TSHR: variants seen among roughly 807,000 people sequenced by gnomAD.
The protein encoded by TSHR is thyrotropin receptor.
A neutral mutation model predicts 64.1 loss-of-function variants in TSHR; 51 were observed. The observed-to-expected ratio is 0.80, with a 90% CI of 0.64 to 1.01. The LOEUF (loss-of-function observed/expected upper bound fraction) is 1.01. Among genes scored for constraint, TSHR ranks in the 50% least tolerant of loss-of-function variants. TSHR has a pLI of 0.00. For missense variants in TSHR, 877 were observed against 942.8 expected (o/e 0.93, Z 0.91); for synonymous variants, 361 against 361.9 (o/e 1.00, Z 0.03).
intron 9 of TSHR, among the ~76,000 whole-genome samples, chr14:81,142,293 C>T (rs1478649577): frequency 6.6e-6 from 1 of 152,156 alleles, no homozygotes; most frequent in African/African-American, 2.4e-5. Context: ...GTTGGCCAGG[C>T]TGGTTCAAGC....
intron 1 of TSHR, among the ~76,000 whole-genome samples, chr14:80,978,843 T>C (rs1355298815): frequency 6.6e-6 from 1 of 152,202 alleles, no homozygotes; most frequent in Non-Finnish European, 1.5e-5. Flanking sequence ...CTACCTATCA[T>C]TTAAATGATG....
At chr14:81,114,226 G>T (rs550681525) in intron 8 of TSHR, among the ~76,000 whole-genome samples, 1 of 152,116 alleles carries the variant, frequency 6.6e-6, no homozygotes, top group East Asian at 1.9e-4. Context: ...CAGCGTCAGC[G>T]ACGCAGAAGA....
intron 1 of TSHR, among the ~76,000 whole-genome samples, chr14:80,988,310 G>A (rs1888570900): frequency 6.6e-6 from 1 of 152,136 alleles, no homozygotes; most frequent in Admixed American, 6.5e-5. Flanking sequence ...CATCTACTTG[G>A]CTTCTGGGGA....
intron 1 of TSHR, among the ~76,000 whole-genome samples, chr14:81,017,294 T>C (rs914184262): frequency 1.3e-5 from 2 of 152,204 alleles, no homozygotes; most frequent in Non-Finnish European, 2.9e-5. Context: ...ATTCTGATGT[T>C]GTTCTAACAT....
intron 8 of TSHR, among the ~76,000 whole-genome samples, chr14:81,119,349 C>A (rs1890682715): frequency 7.3e-6 from 1 of 136,352 alleles, no homozygotes; most frequent in Non-Finnish European, 1.6e-5. Context: ...ACAAACAACC[C>A]CATCAAAAAG....
At chr14:80,985,964 A>G (rs1018455764) in intron 1 of TSHR, among the ~76,000 whole-genome samples, 13 of 152,074 alleles carry the variant, frequency 8.5e-5, no homozygotes, top group Admixed American at 2.6e-4. Context: ...ATCTCTTCTT[A>G]CCTCGTGTCA....
intron 1 of TSHR, among the ~76,000 whole-genome samples, chr14:81,005,240 T>C (rs957312802): frequency 1.6e-4 from 18 of 115,490 alleles, no homozygotes; most frequent in African/African-American, 4.9e-4. Flanking sequence ...TGTGTGTGTG[T>C]GCACGCACGC....
intron 1 of TSHR, among the ~76,000 whole-genome samples, chr14:81,043,787 T>C (rs935814901): frequency 1.3e-5 from 2 of 152,012 alleles, no homozygotes; most frequent in African/African-American, 4.8e-5. Flanking sequence ...GTCCACACAC[T>C]TACAAACATC....
At chr14:81,140,613 C>T (rs1891643657) in intron 9 of TSHR, among the ~76,000 whole-genome samples, 1 of 152,158 alleles carries the variant, frequency 6.6e-6, no homozygotes, top group African/African-American at 2.4e-5. Flanking sequence ...TCCAGGCTTT[C>T]TCTGATTCTT....
At chr14:80,982,536 T>A in intron 1 of TSHR, 2 of 1,005,356 alleles carry the variant, frequency 2.0e-6, no homozygotes, top group Non-Finnish European at 2.8e-6. Context: ...AAGGAGATGA[T>A]GCTAGTTTTG....
chr14:81,137,345 A>G (rs1891495295), intron 8 of TSHR, among the ~76,000 whole-genome samples: 1 of 152,198 alleles, frequency 6.6e-6, no homozygotes, highest in South Asian at 2.1e-4. Flanking sequence ...GTTTTAAAAG[A>G]AGGCACCGAA....
chr14:81,000,525 A>G (rs1244108999), intron 1 of TSHR, among the ~76,000 whole-genome samples: 1 of 152,144 alleles, frequency 6.6e-6, no homozygotes, highest in East Asian at 1.9e-4. Flanking sequence ...GTTAAGATGC[A>G]GTGATAGATG....
chr14:81,012,768 GC>G (rs1425229609), intron 1 of TSHR: 2 of 150,828 alleles, frequency 1.3e-5, no homozygotes, highest in Non-Finnish European at 3.0e-5. Flanking sequence ...CATGTCCTTC[GC>G]CCACTTTTTG....
At position 81,004,269 on chromosome 14, in the gene TSHR, G is replaced by T. The variant is rs1017973256; in HGVS notation, c.170+48419G>T. 2.0e-5 allele frequency among the ~76,000 whole-genome samples: 3 copies of T among 152,056 alleles called. No homozygotes were observed. The East Asian group carries it at 5.8e-4, about 29-fold the overall frequency. On this transcript the variant is annotated intron_variant, in intron 1 of 9. Coordinates refer to ENST00000298171, the MANE Select transcript of TSHR (RefSeq NM_000369.5). ...TGTGTACCAAAACCCTTAAAGGCAG[G>T]GATTGTAATCTGCCAAAGAAAATGC...
intron 1 of TSHR, among the ~76,000 whole-genome samples, chr14:81,055,007 C>G (rs1352749208): frequency 2.6e-5 from 4 of 152,102 alleles, no homozygotes; most frequent in Non-Finnish European, 5.9e-5. Context: ...AACTTTGTGG[C>G]AGCCCCTTTC....
At chr14:80,978,590 G>A (rs931102644) in intron 1 of TSHR, among the ~76,000 whole-genome samples, 2 of 152,218 alleles carry the variant, frequency 1.3e-5, no homozygotes, top group African/African-American at 4.8e-5. Flanking sequence ...TAGCACCACT[G>A]CCATGCTCAG....
chr14:81,096,592 A>T (rs778471035), intron 6 of TSHR, 47 bp from the exon 7 acceptor site: 2 of 1,587,226 alleles, frequency 1.3e-6, no homozygotes, highest in African/African-American at 2.7e-5. Context: ...ACAGGCCAGC[A>T]CCACTTCTCA....
chr14:81,025,948 G>A (rs1254694657), intron 1 of TSHR, among the ~76,000 whole-genome samples: 1 of 152,178 alleles, frequency 6.6e-6, no homozygotes, highest in Non-Finnish European at 1.5e-5. Flanking sequence ...CAGTGCAGAG[G>A]TCTTTGAAGT....
In TSHR at chr14:81,041,538, G is replaced by T. The variant is rs189064164; in HGVS notation, c.171-20610G>T. 3.0e-3 allele frequency among the ~76,000 whole-genome samples: 457 copies of T among 152,194 alleles called. 5 individuals are homozygous for T. Among genetic ancestry groups the T allele is most frequent in the Middle Eastern group, 0.01 (3 of 294 alleles). On this transcript the variant is annotated intron_variant, in intron 1 of 9. Transcript: ENST00000298171. ...TATTGAAGGGTGGAAGGTGGGAGGAGGGAGAGGATCAGGAAAAACAACTAA... is the reference window on the plus strand; with the variant it reads ...TATTGAAGGGTGGAAGGTGGGAGGATGGAGAGGATCAGGAAAAACAACTAA...
Sources: allele counts gnomAD v4.1 joint callset (sites outside exome capture counted in the v4.1 genomes callset), GRCh38; gene constraint gnomAD v4.1.1; transcripts MANE v1.5; gene names NCBI Gene and HGNC (gene_info 2026-07-23, HGNC 2026-07-21).